KDM4C: variants seen among roughly 807,000 people sequenced by gnomAD.
The protein encoded by KDM4C is lysine-specific demethylase 4C.
A neutral mutation model predicts 129.3 loss-of-function variants in KDM4C; 81 were observed. The observed-to-expected ratio is 0.63, with a 90% CI of 0.52 to 0.75. The LOEUF (loss-of-function observed/expected upper bound fraction) is 0.75. KDM4C is among the 30% of genes least tolerant of loss of function. The pLI is 0.00. For missense variants in KDM4C, 1,457 were observed against 1,304.0 expected, an observed-to-expected ratio of 1.12 and a Z score of -1.81; for synonymous variants, 573 against 456.1, an observed-to-expected ratio of 1.26 and a Z score of -3.26.
At chr9:7,079,675 G>T (rs1409268598) in intron 17 of KDM4C, among the ~76,000 whole-genome samples, 1 of 152,130 alleles carries the variant, frequency 6.6e-6, no homozygotes, top group East Asian at 1.9e-4. Flanking sequence ...CTCTATAAAT[G>T]GCACTTACAC....
intron 17 of KDM4C, among the ~76,000 whole-genome samples, chr9:7,071,098 A>G (rs973601517): frequency 1.3e-5 from 2 of 152,348 alleles, no homozygotes. Flanking sequence ...CGTAGATATA[A>G]CATGAAAGCA....
chr9:6,856,736 C>T (rs1377522869), intron 5 of KDM4C, among the ~76,000 whole-genome samples: 1 of 147,080 alleles, frequency 6.8e-6, no homozygotes, highest in African/African-American at 2.5e-5. Flanking sequence ...CTATGCCAGG[C>T]TAATTTTTGT....
At chr9:6,997,143 A>G (rs1819909500) in intron 12 of KDM4C, among the ~76,000 whole-genome samples, 1 of 152,200 alleles carries the variant, frequency 6.6e-6, no homozygotes, top group African/African-American at 2.4e-5. Context: ...TGAGGGTTAA[A>G]AAAGTGTTTG....
intron 10 of KDM4C, among the ~76,000 whole-genome samples, chr9:6,985,023 C>T (rs940315028): frequency 1.3e-4 from 20 of 152,182 alleles, no homozygotes; most frequent in African/African-American, 4.3e-4. Context: ...GTGTTCCTCT[C>T]ATACTTCTCA....
chr9:6,847,649 CA>C (rs1838094008), intron 4 of KDM4C, among the ~76,000 whole-genome samples: 1 of 152,176 alleles, frequency 6.6e-6, no homozygotes. Flanking sequence ...CTCGGCCTCC[CA>C]AAGTGCTGGG....
At chr9:7,083,880 C>G (rs559350330) in intron 17 of KDM4C, among the ~76,000 whole-genome samples, 1 of 152,054 alleles carries the variant, frequency 6.6e-6, no homozygotes, top group South Asian at 2.1e-4. Flanking sequence ...ATTTGAATTC[C>G]TCAACGGGGA....
chr9:6,984,819 A>AACT (rs1563932607), intron 10 of KDM4C, among the ~76,000 whole-genome samples: 1 of 151,916 alleles, frequency 6.6e-6, no homozygotes, highest in Non-Finnish European at 1.5e-5. Flanking sequence ...TTTTAAGAAC[A>AACT]ACAATAATGA....
chr9:6,798,296 C>T (rs1828140274), intron 2 of KDM4C, among the ~76,000 whole-genome samples: 1 of 149,160 alleles, frequency 6.7e-6, no homozygotes, highest in African/African-American at 2.5e-5. Context: ...ATGTTTCTCG[C>T]AGAGGGGGAT....
intron 15 of KDM4C, among the ~76,000 whole-genome samples, chr9:7,037,757 G>C (rs1222577694): frequency 6.6e-6 from 1 of 151,952 alleles, no homozygotes; most frequent in Non-Finnish European, 1.5e-5. Flanking sequence ...ACAGCAGAAT[G>C]GTTTTTTAAA....
chr9:7,012,144 G>A (rs766273104), intron 13 of KDM4C, among the ~76,000 whole-genome samples: 6 of 152,138 alleles, frequency 3.9e-5, no homozygotes, highest in Non-Finnish European at 7.3e-5. Flanking sequence ...TCATGACTCC[G>A]TGCAGGCTTG....
At chr9:6,806,872 G>GTCTCCGTCTCCC (rs1418109980) in intron 3 of KDM4C, among the ~76,000 whole-genome samples, 42 of 132,772 alleles carry the variant, frequency 3.2e-4, no homozygotes, top group African/African-American at 1.2e-3. Context: ...CTCCCTCTCC[G>GTCTCCGTCTCCC]TCTCCGTCTC....
At chr9:6,800,303 G>T (rs1212108280) in intron 2 of KDM4C, among the ~76,000 whole-genome samples, 2 of 152,100 alleles carry the variant, frequency 1.3e-5, no homozygotes, top group Non-Finnish European at 1.5e-5. Flanking sequence ...AGAGGCTGAG[G>T]TTGCAGTGAG....
At chr9:6,774,684 A>G (rs544433041) in intron 1 of KDM4C, among the ~76,000 whole-genome samples, 97 of 152,308 alleles carry the variant, frequency 6.4e-4, no homozygotes, top group African/African-American at 2.0e-3. Context: ...TAGCATTAAA[A>G]TATTTTCTTG....
At chr9:7,144,863 C>T (rs569069287) in intron 19 of KDM4C, among the ~76,000 whole-genome samples, 1 of 152,366 alleles carries the variant, frequency 6.6e-6, no homozygotes, top group East Asian at 1.9e-4. Context: ...TAGGTCTCAG[C>T]CCAGGAGTGA....
At chr9:7,086,540 T>G (rs928230274) in intron 17 of KDM4C, among the ~76,000 whole-genome samples, 4 of 152,166 alleles carry the variant, frequency 2.6e-5, no homozygotes, top group Non-Finnish European at 4.4e-5. Flanking sequence ...TCAGTTCCAG[T>G]CCATCTGCTC....
At chr9:7,110,141 G>GT (rs896919907) in intron 18 of KDM4C, among the ~76,000 whole-genome samples, 1 of 152,076 alleles carries the variant, frequency 6.6e-6, no homozygotes, top group Non-Finnish European at 1.5e-5. Flanking sequence ...AACTATCTTT[G>GT]TTTTTTTCGC....
intron 17 of KDM4C, among the ~76,000 whole-genome samples, chr9:7,054,232 A>G (rs189410984): frequency 2.0e-5 from 3 of 152,212 alleles, no homozygotes; most frequent in African/African-American, 7.2e-5. Context: ...GTGAAGTCAC[A>G]GGTGATTGGT....
chr9:6,806,560 C>T (rs867135169), intron 3 of KDM4C, among the ~76,000 whole-genome samples: 8 of 151,664 alleles, frequency 5.3e-5, no homozygotes, highest in Non-Finnish European at 7.4e-5. Context: ...CTGCTTAAAC[C>T]AACCCATAAT....
chr9:6,993,690 T>G (rs918651173), intron 12 of KDM4C, among the ~76,000 whole-genome samples: 1 of 152,204 alleles, frequency 6.6e-6, no homozygotes, highest in Non-Finnish European at 1.5e-5. Flanking sequence ...GCTCTGTCTC[T>G]GGCCATGGAA....
Sources: gnomAD v4.1 joint callset for allele counts (sites outside exome capture counted in the v4.1 genomes callset) on GRCh38, gnomAD v4.1.1 for gene constraint, MANE v1.5 for transcripts, NCBI Gene and HGNC (gene_info 2026-07-23, HGNC 2026-07-21) for gene names.